Variants in PPP1R9A observed in about 807,000 individuals in gnomAD.
PPP1R9A encodes the protein neurabin-1.
PPP1R9A carries 59 observed loss-of-function variants against 141.9 expected under a neutral mutation model. The ratio of observed to expected loss-of-function variants is 0.42; its 90% CI spans 0.34 to 0.52. The LOEUF (loss-of-function observed/expected upper bound fraction) is 0.52. Among genes scored for constraint, PPP1R9A ranks in the 20% least tolerant of loss-of-function variants. The pLI, the probability that PPP1R9A is intolerant of heterozygous loss-of-function variation, is 0.10. For missense variants in PPP1R9A, 1,444 were observed against 1,611.9 expected (o/e 0.90, Z 1.78); for synonymous variants, 500 against 569.7 (o/e 0.88, Z 1.74).
At chr7:95,255,703 A>G (rs1799485563) in intron 12 of PPP1R9A, among the ~76,000 whole-genome samples, 1 of 152,150 alleles carries the variant, frequency 6.6e-6, no homozygotes, top group Non-Finnish European at 1.5e-5. Context: ...AAGCATCTCA[A>G]AAGATGAGAG....
At chr7:95,085,673 C>T (rs2152311523) in intron 2 of PPP1R9A, among the ~76,000 whole-genome samples, 1 of 151,148 alleles carries the variant, frequency 6.6e-6, no homozygotes, top group Admixed American at 6.6e-5. Flanking sequence ...CCTTGGCCTC[C>T]CAAAGTGCTG....
chr7:95,257,046 T>A (rs1258854447), intron 12 of PPP1R9A, among the ~76,000 whole-genome samples: 2 of 152,184 alleles, frequency 1.3e-5, no homozygotes, highest in Non-Finnish European at 2.9e-5. Flanking sequence ...TTTTAACTTC[T>A]TTAGAATTTG....
At chr7:95,093,961 G>C (rs780532106) in intron 2 of PPP1R9A, among the ~76,000 whole-genome samples, 1 of 152,070 alleles carries the variant, frequency 6.6e-6, no homozygotes, top group African/African-American at 2.4e-5. Context: ...CTAAAACATT[G>C]TACTGTGAAC....
intron 5 of PPP1R9A, among the ~76,000 whole-genome samples, chr7:95,180,820 G>A (rs1833632984): frequency 6.6e-6 from 1 of 152,104 alleles, no homozygotes; most frequent in Admixed American, 6.6e-5. Flanking sequence ...ACCACAGTGT[G>A]ATACCACCTT....
chr7:95,073,098 G>A (rs1049719011), intron 2 of PPP1R9A, among the ~76,000 whole-genome samples: 7 of 149,168 alleles, frequency 4.7e-5, no homozygotes, highest in African/African-American at 1.7e-4. Flanking sequence ...CGATTCTACT[G>A]CCTTATCCTC....
intron 2 of PPP1R9A, among the ~76,000 whole-genome samples, chr7:95,047,140 A>C (rs1810137676): frequency 6.6e-6 from 1 of 152,184 alleles, no homozygotes; most frequent in South Asian, 2.1e-4. Context: ...CTTCATATTT[A>C]TCTCTAAGGG....
chr7:95,289,106 C>T (rs1585658438), intron 19 of PPP1R9A, among the ~76,000 whole-genome samples: 1 of 152,218 alleles, frequency 6.6e-6, no homozygotes, highest in Non-Finnish European at 1.5e-5. Flanking sequence ...TTCTCCTTCA[C>T]CTCCACTCTT....
At chr7:94,908,032 C>G (rs1036690262) in intron 1 of PPP1R9A, 1 of 149,830 alleles carries the variant, frequency 6.7e-6, no homozygotes, top group Non-Finnish European at 1.5e-5. Flanking sequence ...CCCAGCGGGC[C>G]GGCGCCGAGC....
intron 2 of PPP1R9A, among the ~76,000 whole-genome samples, chr7:94,952,949 C>G (rs1796644272): frequency 6.6e-6 from 1 of 152,144 alleles, no homozygotes; most frequent in African/African-American, 2.4e-5. Context: ...TGTGCAGAAG[C>G]TCTTTAGTTT....
At chr7:94,973,447 A>G (rs1185631709) in intron 2 of PPP1R9A, among the ~76,000 whole-genome samples, 1 of 152,166 alleles carries the variant, frequency 6.6e-6, no homozygotes, top group Non-Finnish European at 1.5e-5. Flanking sequence ...GAATAGATGG[A>G]TAAGAAAAAA....
At chr7:94,946,681 G>A (rs1795928071) in intron 2 of PPP1R9A, among the ~76,000 whole-genome samples, 1 of 152,036 alleles carries the variant, frequency 6.6e-6, no homozygotes, top group African/African-American at 2.4e-5. Context: ...ATTATTTGGG[G>A]ATGATGGAAT....
chr7:95,162,064 GA>G (rs1225099238), intron 5 of PPP1R9A, 93 bp downstream of exon 5: 1 of 728,922 alleles, frequency 1.4e-6, no homozygotes, highest in Admixed American at 3.3e-5. Flanking sequence ...TAATTACAAT[GA>G]CAATTTTACC....
Position 95,273,310 on chromosome 7 carries a change from C to T in PPP1R9A, c.3125-589C>T, listed in dbSNP as rs76396375. Among the ~76,000 whole-genome samples the T allele has an allele frequency of 5.0e-3, 769 of 152,292 alleles. 4 individuals are homozygous for T. The highest frequency in any genetic ancestry group is 8.4e-3 in the Non-Finnish European group (574 of 68,032). Reference sequence around the variant, plus strand: ...GATATAAATGTTTTGTAGCTGAGCCCCTGTTTAAGGAGTCTCCCCCATGTC... The same window carrying T: ...GATATAAATGTTTTGTAGCTGAGCCTCTGTTTAAGGAGTCTCCCCCATGTC... On this transcript the variant is annotated intron_variant, in intron 14 of 19. Coordinates refer to ENST00000433360, the MANE Select transcript of PPP1R9A (RefSeq NM_001166160.2).
intron 2 of PPP1R9A, among the ~76,000 whole-genome samples, chr7:94,986,812 A>C (rs1800905433): frequency 6.6e-6 from 1 of 152,248 alleles, no homozygotes; most frequent in Non-Finnish European, 1.5e-5. Flanking sequence ...TAGACTATAT[A>C]CTTTTAAAAA....
At chr7:95,147,456 C>T (rs1827844266) in intron 4 of PPP1R9A, among the ~76,000 whole-genome samples, 1 of 152,172 alleles carries the variant, frequency 6.6e-6, no homozygotes, top group African/African-American at 2.4e-5. Context: ...GACAATTTGA[C>T]TTCCTCTCTT....
intron 2 of PPP1R9A, among the ~76,000 whole-genome samples, chr7:95,030,506 T>A (rs897152076): frequency 3.3e-5 from 5 of 152,176 alleles, no homozygotes; most frequent in East Asian, 1.9e-4. Context: ...ATTTTTTTTT[T>A]AATTTTGCAC....
chr7:94,927,227 A>T (rs1483605018), intron 2 of PPP1R9A, among the ~76,000 whole-genome samples: 1 of 152,194 alleles, frequency 6.6e-6, no homozygotes, highest in Non-Finnish European at 1.5e-5. Flanking sequence ...CATTGTAGAC[A>T]TTGAAGTAGA....
At chr7:95,120,987 C>T (rs577110389) in intron 4 of PPP1R9A, among the ~76,000 whole-genome samples, 155 bp downstream of exon 4, 9 of 152,214 alleles carry the variant, frequency 5.9e-5, no homozygotes, top group African/African-American at 1.9e-4. Flanking sequence ...GAATTATTTT[C>T]TGATATGCAG....
chr7:94,910,440 A>T lies in PPP1R9A; in HGVS notation c.327A>T (p.Thr109=), dbSNP rs1220200230. 1 of 1,614,104 alleles carries T rather than the reference A, an allele frequency of 6.2e-7. No individual in the cohort carries two copies. The highest frequency in any genetic ancestry group is 8.5e-7 in the Non-Finnish European group (1 of 1,180,042). The change falls in exon 2 of 20, where the codon ACA becomes ACT. Residue 109 remains threonine, a synonymous_variant. Coordinates refer to ENST00000433360, the MANE Select transcript of PPP1R9A (RefSeq NM_001166160.2). This position sits in a 1 kb window ranked among gnomAD's most constrained non-coding sequence, Gnocchi z 4.5. ...AGCCCAAAGAATTTCTGGAAAAAAC[A>T]GATGGCTCAGTTGTTAAGTTGGAGT... is the stretch of plus-strand genomic sequence containing the variant. ...RMKPKEFLEK[T]DGSVVKLESS...
Sources: gnomAD v4.1 joint callset for allele counts (sites outside exome capture counted in the v4.1 genomes callset) on GRCh38, gnomAD v4.1.1 for gene constraint, Gnocchi (gnomAD v3.1) non-coding constraint, MANE v1.5 for transcripts, NCBI Gene and HGNC (gene_info 2026-07-23, HGNC 2026-07-21) for gene names.